Variants in ARHGAP15 observed in about 807,000 individuals in gnomAD.
ARHGAP15 encodes Rho GTPase activating protein 15.
A neutral mutation model predicts 63.7 loss-of-function variants in ARHGAP15; 51 were observed. That is an observed-to-expected ratio of 0.80 (90% CI 0.64 to 1.01). The LOEUF is 1.01. ARHGAP15 is among the 50% of genes least tolerant of loss of function. The pLI is 0.00. For synonymous variants in ARHGAP15, 191 were observed against 193.8 expected (o/e 0.99, Z 0.12); for missense variants, 560 against 564.6 (o/e 0.99, Z 0.08).
At chr2:143,456,243 A>T (rs1046463342) in intron 8 of ARHGAP15, among the ~76,000 whole-genome samples, 4 of 152,162 alleles carry the variant, frequency 2.6e-5, no homozygotes, top group Non-Finnish European at 5.9e-5. Flanking sequence ...GGCTATTAAC[A>T]TTGAGACTTC....
At chr2:143,588,774 T>A (rs1393587053) in intron 11 of ARHGAP15, among the ~76,000 whole-genome samples, 2 of 152,210 alleles carry the variant, frequency 1.3e-5, no homozygotes, top group African/African-American at 4.8e-5. Flanking sequence ...AAACATCCCC[T>A]GTACTGTGTT....
intron 12 of ARHGAP15, among the ~76,000 whole-genome samples, chr2:143,628,078 T>A (rs1282563936): frequency 6.6e-6 from 1 of 151,886 alleles, no homozygotes; most frequent in Non-Finnish European, 1.5e-5. Flanking sequence ...GAACATGGGG[T>A]ATTTGGTTTT....
intron 10 of ARHGAP15, among the ~76,000 whole-genome samples, chr2:143,552,920 T>C (rs1038825621): frequency 2.0e-5 from 3 of 152,130 alleles, no homozygotes; most frequent in Admixed American, 6.6e-5. Flanking sequence ...CTTGAAGACG[T>C]TGGTCATTTA....
intron 6 of ARHGAP15, among the ~76,000 whole-genome samples, chr2:143,362,801 C>A (rs1352410588): frequency 6.6e-6 from 1 of 152,088 alleles, no homozygotes; most frequent in Non-Finnish European, 1.5e-5. Context: ...TCTAAATAAT[C>A]ACTGTGACCT....
chr2:143,211,242 A>G (rs1692546916), intron 3 of ARHGAP15, among the ~76,000 whole-genome samples: 1 of 151,922 alleles, frequency 6.6e-6, no homozygotes, highest in South Asian at 2.1e-4. Flanking sequence ...AAAGAGTGCA[A>G]CCTAAAAACA....
intron 2 of ARHGAP15, among the ~76,000 whole-genome samples, chr2:143,177,842 CTT>C (rs973695372): frequency 6.6e-6 from 1 of 152,104 alleles, no homozygotes; most frequent in African/African-American, 2.4e-5. Context: ...CATTGCCTCT[CTT>C]GTCACTGAAT....
At chr2:143,167,354 G>T (rs934346945) in intron 2 of ARHGAP15, among the ~76,000 whole-genome samples, 6 of 152,042 alleles carry the variant, frequency 3.9e-5, no homozygotes, top group African/African-American at 9.7e-5. Context: ...CCCCATCAAA[G>T]CAAAGGTAAT....
At chr2:143,327,566 A>G (rs1285133107) in intron 6 of ARHGAP15, among the ~76,000 whole-genome samples, 1 of 152,000 alleles carries the variant, frequency 6.6e-6, no homozygotes, top group Non-Finnish European at 1.5e-5. Flanking sequence ...CCAATGGAAC[A>G]TAACAGAGGA....
rs571605006 is a variant in ARHGAP15 at position 143,621,923 on chromosome 2, C to G, written c.1004-2210C>G. On this transcript the variant is annotated intron_variant, in intron 11 of 13. Coordinates refer to ENST00000295095, the MANE Select transcript of ARHGAP15 (RefSeq NM_018460.4). ...CTCTTTTTTACCTGCTGAACACTTT[C>G]CTTTAGCAATTTCAAACTTGTGCAC... is the stretch of plus-strand genomic sequence containing the variant. 7.9e-5 allele frequency among the ~76,000 whole-genome samples: 12 copies of G among 152,166 alleles called. No individual in the cohort carries two copies. In the South Asian group the frequency reaches 2.5e-3, roughly 32 times the overall value.
intron 12 of ARHGAP15, among the ~76,000 whole-genome samples, chr2:143,642,266 TTATGTA>T (rs1375088705): frequency 6.6e-6 from 1 of 152,072 alleles, no homozygotes; most frequent in African/African-American, 2.4e-5. Flanking sequence ...TGATTTTTTT[TTATGTA>T]TAAGAAGAGG....
At chr2:143,698,465 C>A (rs1468149860) in intron 12 of ARHGAP15, among the ~76,000 whole-genome samples, 1 of 152,210 alleles carries the variant, frequency 6.6e-6, no homozygotes, top group Non-Finnish European at 1.5e-5. Context: ...GGCTATTTCA[C>A]ATCACGTAGG....
intron 8 of ARHGAP15, among the ~76,000 whole-genome samples, chr2:143,479,155 T>C (rs1385818024): frequency 6.6e-6 from 1 of 152,252 alleles, no homozygotes; most frequent in African/African-American, 2.4e-5. Flanking sequence ...ACTGAAATAC[T>C]GCTAATGATG....
chr2:143,203,718 C>T (rs7598630), intron 3 of ARHGAP15, among the ~76,000 whole-genome samples: 26,021 of 151,962 alleles, frequency 0.17, 2,430 homozygotes, highest in Middle Eastern at 0.24. Context: ...CTCTTTTCAA[C>T]CCCCTTTACT....
chr2:143,756,898 G>T (rs1686599288), intron 13 of ARHGAP15, among the ~76,000 whole-genome samples: 1 of 151,828 alleles, frequency 6.6e-6, no homozygotes, highest in South Asian at 2.1e-4. Context: ...TTTTTCCCAA[G>T]TCTTCCTCAG....
At chr2:143,471,931 C>G (rs1357323068) in intron 8 of ARHGAP15, 1 of 152,232 alleles carries the variant, frequency 6.6e-6, no homozygotes, top group African/African-American at 2.4e-5. Context: ...CAAAGGGTCT[C>G]CTGCCTACTA....
chr2:143,240,013 A>C (rs1043363462), intron 5 of ARHGAP15, among the ~76,000 whole-genome samples: 1 of 147,916 alleles, frequency 6.8e-6, no homozygotes, highest in African/African-American at 2.5e-5. Context: ...AAAAAAAAAA[A>C]AAAAAAAACC....
chr2:143,373,983 T>C (rs187153635), intron 6 of ARHGAP15, among the ~76,000 whole-genome samples: 2 of 152,322 alleles, frequency 1.3e-5, no homozygotes, highest in East Asian at 1.9e-4. Context: ...GAGGCTAAAC[T>C]GTTTTCAGAA....
At chr2:143,250,458 A>G in intron 5 of ARHGAP15, 53 bp from the exon 6 acceptor site, 2 of 1,349,464 alleles carry the variant, frequency 1.5e-6, no homozygotes, top group East Asian at 2.3e-5. Context: ...TTTCTCTGAC[A>G]TCTATCTACA....
chr2:143,550,690 A>T (rs758144786), intron 10 of ARHGAP15, among the ~76,000 whole-genome samples: 3 of 152,228 alleles, frequency 2.0e-5, no homozygotes, highest in Admixed American at 6.5e-5. Context: ...GGAAATGAAG[A>T]AACCTAGAAA....
Sources: allele counts gnomAD v4.1 joint callset (sites outside exome capture counted in the v4.1 genomes callset), GRCh38; gene constraint gnomAD v4.1.1; transcripts MANE v1.5; gene names NCBI Gene and HGNC (gene_info 2026-07-23, HGNC 2026-07-21).